The following LY75 variants were observed in gnomAD, a reference collection of about 807,000 sequenced individuals.
LY75 encodes lymphocyte antigen 75.
A neutral mutation model predicts 231.7 loss-of-function variants in LY75; 185 were observed. That is an observed-to-expected ratio of 0.80 (90% CI 0.71 to 0.90). The LOEUF is 0.90. Among genes scored for constraint, LY75 ranks in the 40% least tolerant of loss-of-function variants. The probability of loss-of-function intolerance (pLI) is 0.00; values close to 1 mark genes in which losing one functional copy is unlikely to be tolerated. For missense variants in LY75, 1,947 were observed against 2,050.2 expected, an observed-to-expected ratio of 0.95 and a Z score of 0.97; for synonymous variants, 668 against 689.0, an observed-to-expected ratio of 0.97 and a Z score of 0.48.
intron 21 of LY75, among the ~76,000 whole-genome samples, chr2:159,851,410 G>A (rs1684398024): frequency 6.6e-6 from 1 of 152,068 alleles, no homozygotes; most frequent in Non-Finnish European, 1.5e-5. Flanking sequence ...GCTACCCAAT[G>A]TGGACAAACT....
chr2:159,896,903 G>A (rs750651714), intron 2 of LY75, among the ~76,000 whole-genome samples: 5 of 151,982 alleles, frequency 3.3e-5, no homozygotes, highest in African/African-American at 4.8e-5. Context: ...AACTATATAT[G>A]CTTTAAAAAA....
At chr2:159,839,342 T>A (rs1475915467) in intron 25 of LY75, among the ~76,000 whole-genome samples, 4 of 152,202 alleles carry the variant, frequency 2.6e-5, no homozygotes, top group Non-Finnish European at 4.4e-5. Flanking sequence ...CAGCTTTATT[T>A]AAAAATCCCT....
intron 24 of LY75, among the ~76,000 whole-genome samples, chr2:159,841,843 A>G (rs1005485727): frequency 6.6e-6 from 1 of 152,098 alleles, no homozygotes; most frequent in South Asian, 2.1e-4. Flanking sequence ...TTCAATTACT[A>G]TAATGGGATA....
At chr2:159,839,719 A>G (rs1683943478) in intron 25 of LY75, among the ~76,000 whole-genome samples, 1 of 152,046 alleles carries the variant, frequency 6.6e-6, no homozygotes, top group Admixed American at 6.6e-5. Context: ...GTTGAAAGGG[A>G]TGGAAGCTGG....
intron 25 of LY75, among the ~76,000 whole-genome samples, chr2:159,836,115 G>A (rs779637736): frequency 6.6e-5 from 10 of 152,154 alleles, no homozygotes; most frequent in Non-Finnish European, 1.3e-4. Context: ...TATGGGCTAC[G>A]GAGCTAAACC....
intron 13 of LY75, among the ~76,000 whole-genome samples, chr2:159,870,467 C>A (rs1300023927): frequency 6.6e-6 from 1 of 151,980 alleles, no homozygotes; most frequent in Non-Finnish European, 1.5e-5. Flanking sequence ...AAACAAAAAG[C>A]AAATCTGGAA....
chr2:159,877,697 C>T (rs1195743756), intron 11 of LY75, among the ~76,000 whole-genome samples: 1 of 151,894 alleles, frequency 6.6e-6, no homozygotes, highest in East Asian at 1.9e-4. Context: ...TGTTAAAACC[C>T]CATCTCTACA....
intron 18 of LY75, 122 bp downstream of exon 18, chr2:159,854,238 G>T: frequency 2.9e-6 from 2 of 679,188 alleles, no homozygotes; most frequent in Non-Finnish European, 4.1e-6. Context: ...GATGCTGTGA[G>T]GCAGATTTTA....
chr2:159,901,697 C>T (rs1686084718), intron 1 of LY75, among the ~76,000 whole-genome samples: 1 of 152,186 alleles, frequency 6.6e-6, no homozygotes, highest in African/African-American at 2.4e-5. Context: ...GTGGAGCTGC[C>T]AAACTTCCTA....
At chr2:159,893,804 G>A in intron 3 of LY75, 110 bp downstream of exon 3, 1 of 1,386,532 alleles carries the variant, frequency 7.2e-7, no homozygotes, top group Non-Finnish European at 9.6e-7. Context: ...CTTCTTATCC[G>A]GGATAATATT....
At chr2:159,904,512 T>C in intron 1 of LY75, 77 bp downstream of exon 1, 1 of 1,413,418 alleles carries the variant, frequency 7.1e-7, no homozygotes, top group Non-Finnish European at 9.3e-7. Flanking sequence ...GGCGCAGCCC[T>C]GCCCCAGGCT....
At chr2:159,831,206 T>C (rs537852364) in intron 28 of LY75, among the ~76,000 whole-genome samples, 14 of 152,268 alleles carry the variant, frequency 9.2e-5, no homozygotes, top group African/African-American at 3.4e-4. Flanking sequence ...GTTCTCGTGA[T>C]AGTGAGTGAG....
chr2:159,883,609 A>G (rs1011858896), intron 6 of LY75, among the ~76,000 whole-genome samples: 1 of 152,190 alleles, frequency 6.6e-6, no homozygotes, highest in African/African-American at 2.4e-5. Context: ...TAGTAAATGC[A>G]TATTATTCAA....
At chr2:159,829,248 G>T (rs1176756653) in intron 28 of LY75, among the ~76,000 whole-genome samples, 1 of 152,156 alleles carries the variant, frequency 6.6e-6, no homozygotes, top group Non-Finnish European at 1.5e-5. Context: ...CTGCACACAC[G>T]ATTTGGTTCT....
chr2:159,892,079 C>T (rs1157823497), intron 3 of LY75, among the ~76,000 whole-genome samples: 5 of 152,300 alleles, frequency 3.3e-5, no homozygotes, highest in Admixed American at 2.6e-4. Flanking sequence ...GCATTATCAG[C>T]ACTACCTGGA....
chr2:159,881,313 T>A, intron 7 of LY75, 73 bp from the exon 8 acceptor site: 1 of 1,470,326 alleles, frequency 6.8e-7, no homozygotes, highest in Non-Finnish European at 9.0e-7. Context: ...TTATACAAAT[T>A]TTTATATTCT....
In LY75 at chr2:159,819,806, C is replaced by T. The variant is rs1201088142; in HGVS notation, c.4073G>A (p.Trp1358Ter). Residue 1358 changes from tryptophan (W) to a stop codon, truncating the protein, a stop_gained, in exon 29 of 35, where the codon TGG becomes TAG. Coordinates refer to ENST00000263636, the MANE Select transcript of LY75 (RefSeq NM_002349.4). LOFTEE classifies it high-confidence loss of function. ...FLAGLSTDGF[W>*]DIQTFKVIEE... is the part of the protein sequence containing the mutation. ...AATAACTTTAAAGGTTTGAATATCCCAGAAGCCGTCAGTACTTAAACCAGC... is the reference window on the plus strand; with the variant it reads ...AATAACTTTAAAGGTTTGAATATCCTAGAAGCCGTCAGTACTTAAACCAGC... 2.5e-6 allele frequency: 4 copies of T among 1,614,032 alleles called. No homozygotes were observed. The highest frequency in any genetic ancestry group is 3.4e-6 in the Non-Finnish European group (4 of 1,179,988).
At chr2:159,900,925 G>A (rs577031120) in intron 1 of LY75, among the ~76,000 whole-genome samples, 4 of 151,950 alleles carry the variant, frequency 2.6e-5, no homozygotes, top group South Asian at 4.2e-4. Flanking sequence ...TGCAACCTCC[G>A]CCTCCCAGGT....
chr2:159,840,616 G>A (rs1016124589), intron 25 of LY75, 113 bp downstream of exon 25: 34 of 1,459,352 alleles, frequency 2.3e-5, no homozygotes, highest in Admixed American at 1.4e-4. Flanking sequence ...AAATTTACTG[G>A]AGTAAGATTT....
Sources: allele counts gnomAD v4.1 joint callset (sites outside exome capture counted in the v4.1 genomes callset), GRCh38; gene constraint gnomAD v4.1.1; transcripts MANE v1.5; gene names NCBI Gene and HGNC (gene_info 2026-07-23, HGNC 2026-07-21).